NBAS: variants seen among roughly 807,000 people sequenced by gnomAD.
NBAS encodes the protein NAG/BC035112 fusion.
NBAS carries 219 observed loss-of-function variants against 302.5 expected under a neutral mutation model. The observed-to-expected ratio is 0.72, with a 90% CI of 0.65 to 0.81. NBAS has a LOEUF of 0.81. Among genes scored for constraint, NBAS ranks in the 30% least tolerant of loss-of-function variants. NBAS has a pLI of 0.00. For synonymous variants in NBAS, 1,118 were observed against 1,021.6 expected (o/e 1.09, Z -1.80); for missense variants, 2,932 against 2,841.6 (o/e 1.03, Z -0.72).
intron 11 of NBAS, among the ~76,000 whole-genome samples, chr2:15,497,147 CAG>C (rs1681102596): frequency 6.6e-6 from 1 of 152,156 alleles, no homozygotes; most frequent in Non-Finnish European, 1.5e-5. Context: ...GATCAGTCTG[CAG>C]AGACAGTCAT....
At chr2:14,796,519 G>A in the NBAS span, among the ~76,000 whole-genome samples, 1 of 151,996 alleles carries the variant, frequency 6.6e-6, no homozygotes, top group Non-Finnish European at 1.5e-5. Context: ...GCAATGTTTT[G>A]TAATTTTCCT....
At chr2:15,509,545 C>T (rs1298522521) in intron 10 of NBAS, among the ~76,000 whole-genome samples, 3 of 152,200 alleles carry the variant, frequency 2.0e-5, no homozygotes, top group Admixed American at 2.0e-4. Context: ...CACAGTTACA[C>T]ACTGCAGTAT....
At position 15,493,593 on chromosome 2, in the gene NBAS, G is replaced by T. The variant is rs142871471; in HGVS notation, c.955-4571C>A. Among the ~76,000 whole-genome samples the T allele has an allele frequency of 6.2e-3, 944 of 151,732 alleles. 16 individuals carry two copies. The highest frequency in any genetic ancestry group is 5.9e-3 in the Non-Finnish European group (400 of 67,898). On this transcript the variant is annotated intron_variant, in intron 11 of 51. Coordinates refer to ENST00000281513, the MANE Select transcript of NBAS (RefSeq NM_015909.4). ...GAGGTGGGAGAATGGCTTGAACCTG[G>T]GAGGCAGAGGTTGGCATGAACCGAG...
intron 38 of NBAS, among the ~76,000 whole-genome samples, chr2:15,310,926 T>G (rs1010261870): frequency 3.6e-4 from 55 of 152,144 alleles, no homozygotes; most frequent in African/African-American, 1.3e-3. Flanking sequence ...TACAACAAAA[T>G]CTATACATAT....
At chr2:14,944,172 C>T in the NBAS span, among the ~76,000 whole-genome samples, 5 of 151,812 alleles carry the variant, frequency 3.3e-5, no homozygotes, top group African/African-American at 9.7e-5. Context: ...TGGTGGCGGG[C>T]GCCTGTAGTC....
At chr2:14,887,732 G>C in the NBAS span, among the ~76,000 whole-genome samples, 1 of 152,070 alleles carries the variant, frequency 6.6e-6, no homozygotes, top group South Asian at 2.1e-4. Flanking sequence ...CACAGCCCCC[G>C]GTTCCTCATG....
At chr2:15,224,546 C>A (rs1168793932) in intron 47 of NBAS, among the ~76,000 whole-genome samples, 1 of 152,068 alleles carries the variant, frequency 6.6e-6, no homozygotes, top group African/African-American at 2.4e-5. Flanking sequence ...ATAGTAGATG[C>A]CAATGTTTCA....
the NBAS span, among the ~76,000 whole-genome samples, chr2:14,977,338 A>G: frequency 6.6e-6 from 1 of 152,212 alleles, no homozygotes; most frequent in Non-Finnish European, 1.5e-5. Context: ...AGCACAAAAA[A>G]AGTAATAATA....
intron 25 of NBAS, among the ~76,000 whole-genome samples, chr2:15,406,923 T>C (rs570950161): frequency 7.9e-5 from 12 of 152,280 alleles, no homozygotes; most frequent in African/African-American, 2.4e-4. Context: ...ACGGGCATAC[T>C]CCTACTTGGC....
At chr2:14,847,057 G>A in the NBAS span, among the ~76,000 whole-genome samples, 2 of 152,064 alleles carry the variant, frequency 1.3e-5, no homozygotes, top group Non-Finnish European at 2.9e-5. Context: ...CCAATAATCT[G>A]TTGCCTACAA....
the NBAS span, among the ~76,000 whole-genome samples, chr2:14,805,247 T>C: frequency 2.0e-5 from 3 of 152,162 alleles, no homozygotes; most frequent in Non-Finnish European, 4.4e-5. Context: ...GGGTAGTCCT[T>C]GGGGCATTTT....
the NBAS span, among the ~76,000 whole-genome samples, chr2:15,118,221 C>T: frequency 6.6e-6 from 1 of 152,186 alleles, no homozygotes; most frequent in Non-Finnish European, 1.5e-5. Context: ...CTGCTGCTGG[C>T]TCTCAGCCTG....
the NBAS span, among the ~76,000 whole-genome samples, chr2:14,893,837 C>G: frequency 6.6e-6 from 1 of 152,182 alleles, no homozygotes. Flanking sequence ...ATTTACTCAC[C>G]TTGTCCCTTC....
At chr2:15,496,165 C>T (rs1212515059) in intron 11 of NBAS, among the ~76,000 whole-genome samples, 2 of 151,394 alleles carry the variant, frequency 1.3e-5, no homozygotes, top group Non-Finnish European at 2.9e-5. Flanking sequence ...AAATGAAATA[C>T]TGATACATGC....
chr2:15,020,411 A>T, the NBAS span, among the ~76,000 whole-genome samples: 1 of 152,168 alleles, frequency 6.6e-6, no homozygotes, highest in African/African-American at 2.4e-5. Flanking sequence ...ATGCAACAAG[A>T]GCTGGAGCAG....
the NBAS span, among the ~76,000 whole-genome samples, chr2:15,107,055 T>C: frequency 9.2e-4 from 140 of 152,204 alleles, 3 homozygotes; most frequent in East Asian, 0.019. Flanking sequence ...CCTTCTCTGG[T>C]TCCAAAAGAA....
chr2:15,438,604 G>A (rs7597311), intron 21 of NBAS, among the ~76,000 whole-genome samples: 7,495 of 152,228 alleles, frequency 0.049, 592 homozygotes, highest in African/African-American at 0.16. Context: ...GCCCAGCAGC[G>A]CCCTCGCTCA....
the NBAS span, among the ~76,000 whole-genome samples, chr2:15,072,413 T>C: frequency 6.6e-6 from 1 of 152,208 alleles, no homozygotes; most frequent in Non-Finnish European, 1.5e-5. Context: ...ACATGACTCC[T>C]TTACCATATC....
intron 50 of NBAS, among the ~76,000 whole-genome samples, chr2:15,180,798 A>G (rs1664783038): frequency 1.3e-5 from 2 of 152,196 alleles, no homozygotes; most frequent in African/African-American, 2.4e-5. Context: ...AGCGGCTACC[A>G]TATTAGGCAG....
Sources: allele counts gnomAD v4.1 joint callset (sites outside exome capture counted in the v4.1 genomes callset), GRCh38; gene constraint gnomAD v4.1.1; transcripts MANE v1.5; gene names NCBI Gene and HGNC (gene_info 2026-07-23, HGNC 2026-07-21).